CD320: variants seen among roughly 807,000 people sequenced by gnomAD.
The protein encoded by CD320 is CD320 antigen.
CD320 carries 16 observed loss-of-function variants against 22.1 expected under a neutral mutation model. That is an observed-to-expected ratio of 0.73 (90% confidence interval 0.49 to 1.10). CD320 has a LOEUF of 1.10. Ranked by LOEUF, CD320 falls within the 50% of genes least tolerant of loss-of-function variation. The pLI, the probability that CD320 is intolerant of heterozygous loss-of-function variation, is 0.00. For synonymous variants in CD320, 188 were observed against 167.8 expected (o/e 1.12, Z -0.93); for missense variants, 388 against 376.9 (o/e 1.03, Z -0.24).
intron 1 of CD320, among the ~76,000 whole-genome samples, chr19:8,307,084 G>C (rs147928845): frequency 1.3e-5 from 2 of 152,084 alleles, no homozygotes; most frequent in Admixed American, 1.3e-4. Context: ...TTGAGGTCAG[G>C]AGTTCGAGAC....
At chr19:8,304,879 A>T in intron 2 of CD320, 152 bp downstream of exon 2, 1 of 823,120 alleles carries the variant, frequency 1.2e-6, no homozygotes, top group Non-Finnish European at 2.0e-6. Flanking sequence ...AGCCCATCTT[A>T]GACCCCGCTT....
intron 1 of CD320, among the ~76,000 whole-genome samples, chr19:8,307,488 G>A (rs1970108749): frequency 6.6e-6 from 1 of 152,138 alleles, no homozygotes; most frequent in African/African-American, 2.4e-5. Context: ...GAGTGCCTGA[G>A]TGCACAGGGA....
Sources: gnomAD v4.1 joint callset for allele counts (sites outside exome capture counted in the v4.1 genomes callset) on GRCh38, gnomAD v4.1.1 for gene constraint, MANE v1.5 for transcripts, NCBI Gene and HGNC (gene_info 2026-07-23, HGNC 2026-07-21) for gene names.